The following CWF19L2 variants were observed in gnomAD, a reference collection of about 807,000 sequenced individuals.
The protein encoded by CWF19L2 is CWF19 like cell cycle control factor 2, also known as CWF19-like protein 2.
Under a neutral mutation model 111.7 loss-of-function variants are expected in CWF19L2, and 98 were observed. That is an observed-to-expected ratio of 0.88 (90% CI 0.75 to 1.04). The LOEUF is 1.04. Ranked by LOEUF, CWF19L2 falls within the 50% of genes least tolerant of loss-of-function variation. CWF19L2 has a pLI of 0.00. For synonymous variants in CWF19L2, 351 were observed against 342.9 expected, an observed-to-expected ratio of 1.02 and a Z score of -0.26; for missense variants, 1,101 against 1,051.4, an observed-to-expected ratio of 1.05 and a Z score of -0.65.
chr11:107,372,796 G>C (rs377130162), intron 12 of CWF19L2, among the ~76,000 whole-genome samples: 1 of 131,870 alleles, frequency 7.6e-6, no homozygotes. Flanking sequence ...GAACTGCTCC[G>C]GTCTACAGCT....
At chr11:107,438,622 G>A (rs1861574356) in intron 6 of CWF19L2, among the ~76,000 whole-genome samples, 1 of 152,080 alleles carries the variant, frequency 6.6e-6, no homozygotes, top group Non-Finnish European at 1.5e-5. Context: ...TAATTAACCT[G>A]CTCCAAATAC....
chr11:107,350,508 G>A (rs1272387871), intron 13 of CWF19L2, among the ~76,000 whole-genome samples: 1 of 152,056 alleles, frequency 6.6e-6, no homozygotes, highest in Non-Finnish European at 1.5e-5. Context: ...ACACCAATAA[G>A]ATGACTGTCT....
intron 6 of CWF19L2, among the ~76,000 whole-genome samples, chr11:107,437,024 C>A (rs1177125383): frequency 6.6e-6 from 1 of 152,104 alleles, no homozygotes; most frequent in African/African-American, 2.4e-5. Flanking sequence ...GATTAACCTA[C>A]TTTTCCACTG....
intron 14 of CWF19L2, among the ~76,000 whole-genome samples, chr11:107,342,300 T>A (rs1303589827): frequency 2.0e-5 from 3 of 152,090 alleles, no homozygotes; most frequent in Non-Finnish European, 2.9e-5. Flanking sequence ...TTAAAGTTGT[T>A]GAATAATACA....
intron 12 of CWF19L2, among the ~76,000 whole-genome samples, chr11:107,369,155 G>A (rs1262002156): frequency 2.2e-5 from 3 of 137,180 alleles, no homozygotes; most frequent in Admixed American, 7.1e-5. Flanking sequence ...AGAGTTACAC[G>A]GTTTTTTAGT....
chr11:107,455,339 C>A (rs1272627789), intron 2 of CWF19L2, among the ~76,000 whole-genome samples: 1 of 151,774 alleles, frequency 6.6e-6, no homozygotes, highest in African/African-American at 2.4e-5. Flanking sequence ...GGAAAACAGG[C>A]TTGAGACCTA....
intron 12 of CWF19L2, among the ~76,000 whole-genome samples, chr11:107,384,855 T>C (rs749589481): frequency 3.3e-5 from 5 of 152,144 alleles, no homozygotes; most frequent in African/African-American, 7.2e-5. Flanking sequence ...CATAAAAAGT[T>C]TGCCAACCTC....
At chr11:107,437,722 A>T (rs901031614) in intron 6 of CWF19L2, among the ~76,000 whole-genome samples, 3 of 152,112 alleles carry the variant, frequency 2.0e-5, no homozygotes, top group African/African-American at 7.2e-5. Context: ...ATACCACCTA[A>T]AGTAAAACTC....
intron 12 of CWF19L2, among the ~76,000 whole-genome samples, chr11:107,380,378 G>A (rs1860666808): frequency 6.6e-6 from 1 of 151,956 alleles, no homozygotes; most frequent in South Asian, 2.1e-4. Context: ...TATCATTTTG[G>A]ACTCTATGGA....
intron 13 of CWF19L2, among the ~76,000 whole-genome samples, chr11:107,352,319 G>T (rs1002763313): frequency 6.6e-6 from 1 of 151,774 alleles, no homozygotes; most frequent in Non-Finnish European, 1.5e-5. Context: ...CATTAAAACT[G>T]ATCTGGTTAT....
chr11:107,360,021 T>C (rs778930822), intron 12 of CWF19L2, among the ~76,000 whole-genome samples: 15 of 152,358 alleles, frequency 9.8e-5, no homozygotes, highest in South Asian at 2.1e-4. Context: ...ATAGATTGCA[T>C]AGTGATGAAG....
chr11:107,397,757 G>A (rs1591182701), intron 10 of CWF19L2, among the ~76,000 whole-genome samples: 3 of 152,220 alleles, frequency 2.0e-5, no homozygotes, highest in Admixed American at 1.3e-4. Context: ...GAACCCTCAC[G>A]GAGTTCACTG....
intron 16 of CWF19L2, among the ~76,000 whole-genome samples, chr11:107,332,571 T>G (rs1026911325): frequency 2.0e-5 from 3 of 150,884 alleles, no homozygotes; most frequent in African/African-American, 7.3e-5. Flanking sequence ...CACCCCACCC[T>G]GAAGGATGCA....
intron 8 of CWF19L2, among the ~76,000 whole-genome samples, chr11:107,426,201 CAT>C (rs1437002168): frequency 1.3e-5 from 2 of 151,474 alleles, no homozygotes; most frequent in African/African-American, 2.4e-5. Context: ...AAGGGCAAAA[CAT>C]ATGACTAGTT....
At position 107,327,624 on chromosome 11, in the gene CWF19L2, T is replaced by C. The variant is rs529502733; in HGVS notation, c.2542-571A>G. 3.3e-5 allele frequency among the ~76,000 whole-genome samples: 5 copies of C among 152,298 alleles called. No homozygotes were observed. In the South Asian group the frequency reaches 1.0e-3, roughly 32 times the overall value. ...TCATTTAAAAAATCACATTCTCAAG[T>C]CCCATAATAAATGGCTTTTTGGTTA... On this transcript the variant is annotated intron_variant, in intron 17 of 17. Transcript: ENST00000282251.
chr11:107,451,448 T>C (rs1009950622), intron 3 of CWF19L2, among the ~76,000 whole-genome samples: 4 of 150,874 alleles, frequency 2.7e-5, no homozygotes, highest in Admixed American at 6.6e-5. Context: ...AGAATAAATA[T>C]AGTTTAAATC....
chr11:107,373,952 C>T (rs1860555470), intron 12 of CWF19L2, among the ~76,000 whole-genome samples: 1 of 135,736 alleles, frequency 7.4e-6, no homozygotes, highest in African/African-American at 3.0e-5. Context: ...AAAACCAAGG[C>T]TCGAGAACTA....
rs190738085 is a variant in CWF19L2, at chr11:107,456,432, A to G, written c.106-656T>C. On this transcript the variant is annotated intron_variant, in intron 1 of 17. Coordinates refer to ENST00000282251, the MANE Select transcript of CWF19L2 (RefSeq NM_152434.3). ...CCTCCAAAAACTGCTGGAAATACCAAAGAGAAAAGAATGAATAATATATAT... is the reference window on the plus strand; with the variant it reads ...CCTCCAAAAACTGCTGGAAATACCAGAGAGAAAAGAATGAATAATATATAT... Among the ~76,000 whole-genome samples, 6 of 152,238 alleles carry G rather than the reference A, an allele frequency of 3.9e-5. No homozygotes were observed. The East Asian group carries it at 1.2e-3, about 29-fold the overall frequency.
intron 10 of CWF19L2, among the ~76,000 whole-genome samples, chr11:107,397,046 C>A (rs1292235767): frequency 6.6e-6 from 1 of 152,112 alleles, no homozygotes; most frequent in Non-Finnish European, 1.5e-5. Flanking sequence ...CCCGTTCCTG[C>A]CTGGCACCAC....
Sources: gnomAD v4.1 joint callset for allele counts (sites outside exome capture counted in the v4.1 genomes callset) on GRCh38, gnomAD v4.1.1 for gene constraint, MANE v1.5 for transcripts, NCBI Gene and HGNC (gene_info 2026-07-23, HGNC 2026-07-21) for gene names.